The following DOCK1 variants were observed in gnomAD, a reference collection of about 807,000 sequenced individuals.
DOCK1 encodes the protein dedicator of cytokinesis protein 1.
Under a neutral mutation model 262.7 loss-of-function variants are expected in DOCK1, and 138 were observed. The ratio of observed to expected loss-of-function variants is 0.53; its 90% confidence interval spans 0.46 to 0.61. DOCK1 has a LOEUF of 0.61. Ranked by LOEUF, DOCK1 falls within the 20% of genes least tolerant of loss-of-function variation. DOCK1 has a pLI of 0.00. For synonymous variants in DOCK1, 866 were observed against 867.4 expected (o/e 1.00, Z 0.03); for missense variants, 1,908 against 2,370.7 (o/e 0.80, Z 4.05).
At position 127,417,723 on chromosome 10, in the gene DOCK1, G is replaced by A. The variant is rs186902798; in HGVS notation, c.4516-642G>A. ...CCCGAGTAGCTGGGATTACAGGCAT[G>A]CACCACCACACCTGGCTAATTTTTG... is the stretch of plus-strand genomic sequence containing the variant. On this transcript the variant is annotated intron_variant, in intron 44 of 51. Transcript: ENST00000623213. Among the ~76,000 whole-genome samples, 309 of 152,240 alleles carry A rather than the reference G, an allele frequency of 2.0e-3. 1 individual carries two copies. Among genetic ancestry groups the A allele is most frequent in the African/African-American group, 7.1e-3 (296 of 41,552 alleles).
At chr10:126,945,916 G>A (rs1404047640) in intron 1 of DOCK1, among the ~76,000 whole-genome samples, 3 of 152,246 alleles carry the variant, frequency 2.0e-5, no homozygotes, top group East Asian at 1.9e-4. Context: ...TTTATTGAGC[G>A]TAACAACTTG....
chr10:126,941,129 G>T (rs1320517045), intron 1 of DOCK1, among the ~76,000 whole-genome samples: 2 of 152,130 alleles, frequency 1.3e-5, no homozygotes, highest in Admixed American at 1.3e-4. Flanking sequence ...AATGTGCTCG[G>T]TTGGTTTATC....
chr10:127,301,155 T>A (rs2061665623), intron 29 of DOCK1, among the ~76,000 whole-genome samples: 1 of 152,148 alleles, frequency 6.6e-6, no homozygotes, highest in Non-Finnish European at 1.5e-5. Context: ...CCAGTTACAG[T>A]GAGAACTGGG....
chr10:127,237,478 C>T lies in DOCK1; in HGVS notation c.2848-10530C>T, dbSNP rs190094204. On this transcript the variant is annotated intron_variant, in intron 27 of 51. Transcript: ENST00000623213. ...TTTGTACTCTTTCTTACAACTTCCACTGTATTTTGTTAAGACCTGAATACA... is the reference window on the plus strand; with the variant it reads ...TTTGTACTCTTTCTTACAACTTCCATTGTATTTTGTTAAGACCTGAATACA... 1.7e-4 allele frequency among the ~76,000 whole-genome samples: 26 copies of T among 152,240 alleles called. 1 individual carries two copies. The highest frequency in any genetic ancestry group is 5.8e-4 in the African/African-American group (24 of 41,532).
At chr10:127,441,861 C>G (rs1284487249) in intron 49 of DOCK1, among the ~76,000 whole-genome samples, 3 of 152,152 alleles carry the variant, frequency 2.0e-5, no homozygotes, top group Non-Finnish European at 4.4e-5. Context: ...GCCTCTCCAG[C>G]CAGAGCCTCC....
chr10:127,195,523 T>A (rs1261973194), intron 27 of DOCK1, among the ~76,000 whole-genome samples: 1 of 148,160 alleles, frequency 6.7e-6, no homozygotes, highest in Non-Finnish European at 1.5e-5. Context: ...TTCCAACTCA[T>A]CCCCCCCCCG....
chr10:127,067,073 C>T (rs1193651676), intron 23 of DOCK1, among the ~76,000 whole-genome samples: 2 of 152,208 alleles, frequency 1.3e-5, no homozygotes, highest in East Asian at 3.8e-4. Context: ...CCTGGTGGAG[C>T]TTTCCATCGA....
intron 23 of DOCK1, among the ~76,000 whole-genome samples, chr10:127,073,263 C>A (rs1387561800): frequency 6.6e-6 from 1 of 152,194 alleles, no homozygotes; most frequent in Non-Finnish European, 1.5e-5. Flanking sequence ...CAGTCCCAAT[C>A]AAAATCCCAG....
chr10:127,362,589 T>C (rs2064525946), intron 33 of DOCK1, among the ~76,000 whole-genome samples: 1 of 152,208 alleles, frequency 6.6e-6, no homozygotes, highest in Admixed American at 6.5e-5. Flanking sequence ...TTGTGGTATT[T>C]TGAAAGCTAA....
chr10:126,998,054 G>A (rs1374600153), intron 7 of DOCK1, 38 bp from the exon 8 acceptor site: 4 of 1,610,856 alleles, frequency 2.5e-6, no homozygotes, highest in Non-Finnish European at 3.4e-6. Context: ...AGTGATGAGT[G>A]TTGCTGGGGT....
intron 27 of DOCK1, among the ~76,000 whole-genome samples, chr10:127,211,808 G>A (rs969472661): frequency 1.3e-5 from 2 of 152,256 alleles, no homozygotes; most frequent in South Asian, 2.1e-4. Context: ...TGGGATGTGC[G>A]CTGAGATACA....
rs58148253 is a variant in DOCK1, at chr10:127,137,935, G to T, written c.2847+10171G>T. 1.8e-3 allele frequency: 2,978 copies of T among 1,614,128 alleles called. 50 individuals are homozygous for T. The African/African-American group carries it at 0.035, about 19-fold the overall frequency. Reference sequence around the variant, plus strand: ...TAAGTCTCCTGAGAGTAAGGCGAAGGTATGACCTGAGTTTCCTCAATAGGG... The same window carrying T: ...TAAGTCTCCTGAGAGTAAGGCGAAGTTATGACCTGAGTTTCCTCAATAGGG... On this transcript the variant is annotated intron_variant, in intron 27 of 51. Coordinates refer to ENST00000623213, the MANE Select transcript of DOCK1 (RefSeq NM_001290223.2).
chr10:127,277,044 G>A lies in DOCK1; in HGVS notation c.3044+19615G>A, dbSNP rs1165153360. On this transcript the variant is annotated intron_variant, in intron 29 of 51. Coordinates refer to ENST00000623213, the MANE Select transcript of DOCK1 (RefSeq NM_001290223.2). ...AGCTGGAAATGTGATTGCTGCCTGG[G>A]GTGGCCATGACTAAGGGATTCCTGT... 2.0e-5 allele frequency among the ~76,000 whole-genome samples: 3 copies of A among 152,238 alleles called. No individual in the cohort carries two copies. In the East Asian group the frequency reaches 5.8e-4, roughly 29 times the overall value.
At chr10:127,400,838 C>T (rs2067181830) in intron 38 of DOCK1, among the ~76,000 whole-genome samples, 1 of 152,182 alleles carries the variant, frequency 6.6e-6, no homozygotes, top group Admixed American at 6.5e-5. Context: ...GCTAAGCCAA[C>T]TTTGGGAGAC....
intron 27 of DOCK1, among the ~76,000 whole-genome samples, chr10:127,181,772 A>G (rs2055758666): frequency 1.3e-5 from 2 of 152,088 alleles, no homozygotes; most frequent in Admixed American, 6.6e-5. Flanking sequence ...GTAAAATAGA[A>G]CCTCACTCAC....
chr10:127,070,617 A>C (rs1591896573), intron 23 of DOCK1, among the ~76,000 whole-genome samples: 1 of 151,936 alleles, frequency 6.6e-6, no homozygotes, highest in South Asian at 2.1e-4. Flanking sequence ...GTCAGTGTAG[A>C]GTTCACTGGC....
chr10:127,033,891 A>G (rs2043408663), intron 18 of DOCK1, among the ~76,000 whole-genome samples: 1 of 152,186 alleles, frequency 6.6e-6, no homozygotes, highest in South Asian at 2.1e-4. Context: ...TCTGCTGAGT[A>G]AACTGCTTGG....
At chr10:127,180,622 C>A (rs2055634981) in intron 27 of DOCK1, among the ~76,000 whole-genome samples, 1 of 152,118 alleles carries the variant, frequency 6.6e-6, no homozygotes. Flanking sequence ...TGACGGAGAA[C>A]CATCTCTGCA....
intron 28 of DOCK1, among the ~76,000 whole-genome samples, chr10:127,253,660 G>T (rs1273140916): frequency 6.6e-6 from 1 of 151,986 alleles, no homozygotes; most frequent in Non-Finnish European, 1.5e-5. Context: ...GATCTATTGA[G>T]CCCAGAAATT....
Sources: allele counts gnomAD v4.1 joint callset (sites outside exome capture counted in the v4.1 genomes callset), GRCh38; gene constraint gnomAD v4.1.1; transcripts MANE v1.5; gene names NCBI Gene and HGNC (gene_info 2026-07-23, HGNC 2026-07-21).